The following TMEM232 variants were observed in gnomAD, a reference collection of about 807,000 sequenced individuals.
The protein encoded by TMEM232 is transmembrane protein 232.
A neutral mutation model predicts 78.8 loss-of-function variants in TMEM232; 80 were observed. The ratio of observed to expected loss-of-function variants is 1.01; its 90% CI spans 0.85 to 1.22. TMEM232 has a LOEUF of 1.22. TMEM232 is among the 50% of genes most tolerant of loss of function. TMEM232 has a pLI of 0.00. For synonymous variants in TMEM232, 297 were observed against 254.3 expected, an observed-to-expected ratio of 1.17 and a Z score of -1.60; for missense variants, 881 against 742.2, an observed-to-expected ratio of 1.19 and a Z score of -2.17.
intron 12 of TMEM232, among the ~76,000 whole-genome samples, chr5:110,504,911 A>G (rs1457972593): frequency 2.6e-5 from 4 of 152,252 alleles, no homozygotes; most frequent in African/African-American, 7.2e-5. Context: ...AAAATTAGCC[A>G]TCACATTGTC....
intron 10 of TMEM232, among the ~76,000 whole-genome samples, chr5:110,593,885 T>C (rs1367092125): frequency 6.6e-6 from 1 of 152,122 alleles, no homozygotes; most frequent in Non-Finnish European, 1.5e-5. Flanking sequence ...TACCCTGATG[T>C]AATTATTACA....
At chr5:110,592,648 G>A (rs1249378148) in intron 10 of TMEM232, among the ~76,000 whole-genome samples, 1 of 152,060 alleles carries the variant, frequency 6.6e-6, no homozygotes, top group Admixed American at 6.6e-5. Flanking sequence ...ATCAGTGAAA[G>A]CAAAGAAAAT....
chr5:110,728,009 G>C (rs915001529), upstream of TMEM232, among the ~76,000 whole-genome samples: 1 of 151,812 alleles, frequency 6.6e-6, no homozygotes, highest in Non-Finnish European at 1.5e-5. Context: ...AGTGTTAAAA[G>C]CATAAAAAAA....
chr5:110,685,827 T>A (rs981571118), intron 1 of TMEM232, among the ~76,000 whole-genome samples: 3 of 152,082 alleles, frequency 2.0e-5, no homozygotes, highest in African/African-American at 7.2e-5. Context: ...AAGAACAAAT[T>A]AATGCTACAA....
chr5:110,502,661 G>C (rs745500444), intron 12 of TMEM232, among the ~76,000 whole-genome samples: 72 of 152,066 alleles, frequency 4.7e-4, no homozygotes, highest in Non-Finnish European at 8.8e-4. Context: ...TTCAATATGC[G>C]AACCTCACCT....
At chr5:110,672,733 AT>A (rs1405412299) in intron 1 of TMEM232, among the ~76,000 whole-genome samples, 2 of 152,118 alleles carry the variant, frequency 1.3e-5, no homozygotes, top group East Asian at 1.9e-4. Context: ...TCAGAAAAAA[AT>A]ATTAGTTCTT....
In TMEM232 at chr5:110,588,286, T is replaced by C. The variant is rs77632548; in HGVS notation, c.1276+16823A>G. On this transcript the variant is annotated intron_variant, in intron 10 of 13. Coordinates refer to ENST00000455884, the MANE Select transcript of TMEM232 (RefSeq NM_001039763.4). ...CTCAACAAACAAATGAAAGGAAGAA[T>C]GCCATATTTTACTTTTTCCATTTTG... Among the ~76,000 whole-genome samples the C allele has an allele frequency of 4.5e-3, 678 of 152,230 alleles. 2 individuals carry two copies. The highest frequency in any genetic ancestry group is 0.014 in the Middle Eastern group (4 of 292).
chr5:110,569,522 A>G (rs1776701015), intron 10 of TMEM232, among the ~76,000 whole-genome samples: 1 of 151,856 alleles, frequency 6.6e-6, no homozygotes, highest in Non-Finnish European at 1.5e-5. Context: ...AAGAAGAGGA[A>G]ATGGTTCAGA....
Position 110,544,392 on chromosome 5 carries a change from G to A in TMEM232, c.1456-15557C>T, listed in dbSNP as rs528945483. On this transcript the variant is annotated intron_variant, in intron 11 of 13. Transcript: ENST00000455884. ...GGCTGCATTAATGCAGGAAGAAAAT[G>A]CATAAATCAGCCCAAAGGAATTAGG... Among the ~76,000 whole-genome samples, 460 of 142,120 alleles carry A rather than the reference G, an allele frequency of 3.2e-3. 3 individuals are homozygous for A. Among genetic ancestry groups the A allele is most frequent in the African/African-American group, 0.012 (439 of 37,218 alleles). The allele number at this position is 142,120 out of a possible 152,430, so 93.2% of individuals were successfully genotyped here.
chr5:110,609,480 T>C (rs1781918210), intron 8 of TMEM232, among the ~76,000 whole-genome samples: 1 of 152,088 alleles, frequency 6.6e-6, no homozygotes, highest in African/African-American at 2.4e-5. Flanking sequence ...GGTACTGATT[T>C]TTTTTTTAAG....
At chr5:110,712,118 A>C (rs61187173) in intron 1 of TMEM232, among the ~76,000 whole-genome samples, 1 of 144,698 alleles carries the variant, frequency 6.9e-6, no homozygotes. Context: ...AAAAAAAAAA[A>C]AAAAAAAAAA....
At chr5:110,412,380 A>G (rs1580577373) in intron 2 of TMEM232, among the ~76,000 whole-genome samples, 3 of 152,170 alleles carry the variant, frequency 2.0e-5, no homozygotes, top group South Asian at 4.1e-4. Context: ...TGCCAACTGT[A>G]AAGTAAATGA....
At chr5:110,417,346 A>G (rs917809225), downstream of TMEM232, among the ~76,000 whole-genome samples, 4 of 152,206 alleles carry the variant, frequency 2.6e-5, no homozygotes. Context: ...AGAATGGGAA[A>G]ACAACTAAGG....
At chr5:110,619,417 G>A (rs1184548436) in intron 7 of TMEM232, among the ~76,000 whole-genome samples, 1 of 152,088 alleles carries the variant, frequency 6.6e-6, no homozygotes, top group Non-Finnish European at 1.5e-5. Context: ...CTAATAAAGT[G>A]TTTAGTTAAG....
At position 110,528,690 on chromosome 5, in the gene TMEM232, T is replaced by C. The variant is rs1770968412; in HGVS notation, c.1601A>G (p.His534Arg). 6 of 1,535,030 alleles carry C rather than the reference T, an allele frequency of 3.9e-6. No individual in the cohort carries two copies. In the South Asian group the frequency reaches 4.8e-5, roughly 12 times the overall value. ...SKLFFPPIEAHFLPLKKPSIK... is the reference protein window; with the variant it reads ...SKLFFPPIEARFLPLKKPSIK... ...TGATGGTTTCTTCAAAGGAAGAAAA[T>C]GGGCCTCAATGGGGGGAAAGAATAG... is the stretch of plus-strand genomic sequence containing the variant. Residue 534 changes from histidine to arginine, a missense_variant, in exon 12 of 14, where the codon CAT becomes CGT. His to Arg is a conservative substitution (Grantham distance 29). Transcript: ENST00000455884.
rs139107981 is a variant in TMEM232, at chr5:110,700,600, A to C, written c.-13+26027T>G. ...TGCAAGGAACCAGGACATCTGAAGA[A>C]AGATTGCAAAAAGTTGAAATGGGCA... On this transcript the variant is annotated intron_variant, in intron 1 of 13. Coordinates refer to ENST00000455884, the MANE Select transcript of TMEM232 (RefSeq NM_001039763.4). Among the ~76,000 whole-genome samples, 468 of 152,144 alleles carry C rather than the reference A, an allele frequency of 3.1e-3. 1 individual carries two copies. The highest frequency in any genetic ancestry group is 0.011 in the African/African-American group (452 of 41,554).
intron 2 of TMEM232, among the ~76,000 whole-genome samples, chr5:110,410,467 T>A (rs75772143): frequency 0.011 from 1,707 of 152,278 alleles, 33 homozygotes; most frequent in African/African-American, 0.039. Context: ...TTTACCTTTA[T>A]CTTTTTTCAC....
intron 12 of TMEM232, among the ~76,000 whole-genome samples, chr5:110,427,806 C>A (rs1252743923): frequency 6.6e-6 from 1 of 151,726 alleles, no homozygotes; most frequent in Non-Finnish European, 1.5e-5. Context: ...CTCTGGGTGT[C>A]TTCTACTGTT....
At position 110,658,126 on chromosome 5, in the gene TMEM232, T is replaced by C. The variant is rs998583408; in HGVS notation, c.125+9102A>G. Among the ~76,000 whole-genome samples, 3 of 152,136 alleles carry C rather than the reference T, an allele frequency of 2.0e-5. No individual in the cohort carries two copies. The South Asian group carries it at 6.2e-4, about 31-fold the overall frequency. The stretch of plus-strand genomic sequence containing the variant: ...TATGAACACCTGCAGAAATTCATTC[T>C]ATGAATACCTCCCTTGAATTTGTCA... On this transcript the variant is annotated intron_variant, in intron 2 of 13. Transcript: ENST00000455884.
Sources: gnomAD v4.1 joint callset for allele counts (sites outside exome capture counted in the v4.1 genomes callset) on GRCh38, gnomAD v4.1.1 for gene constraint, MANE v1.5 for transcripts, NCBI Gene and HGNC (gene_info 2026-07-23, HGNC 2026-07-21) for gene names.